The following C5orf58 variants were observed in gnomAD, a reference collection of about 807,000 sequenced individuals.
C5orf58 encodes chromosome 5 open reading frame 58.
C5orf58 carries 2 observed loss-of-function variants against 2.9 expected under a neutral mutation model. The ratio of observed to expected loss-of-function variants is 0.69; its 90% CI spans 0.28 to 2.18. C5orf58 has a LOEUF of 2.18. Among genes scored for constraint, C5orf58 ranks in the 30% most tolerant of loss-of-function variants. C5orf58 has a pLI of 0.13. For synonymous variants in C5orf58, 37 were observed against 33.4 expected, an observed-to-expected ratio of 1.11 and a Z score of -0.37; for missense variants, 96 against 91.7, an observed-to-expected ratio of 1.05 and a Z score of -0.19.
intron 2 of C5orf58, 61 bp downstream of exon 2, chr5:170,234,259 C>T (rs1036892926): frequency 9.8e-7 from 1 of 1,021,560 alleles, no homozygotes; most frequent in East Asian, 4.9e-5. Context: ...ACCTTTCACA[C>T]TGCTGGAGTT....
intron 3 of C5orf58, 106 bp downstream of exon 3, chr5:170,235,176 G>A: frequency 1.6e-6 from 1 of 619,230 alleles, no homozygotes; most frequent in South Asian, 1.9e-5. Context: ...CCACTAATTA[G>A]GATTTCTCTA....
chr5:170,248,523 GGGATAGTT>G, downstream of C5orf58: 1 of 649,718 alleles, frequency 1.5e-6, no homozygotes, highest in Non-Finnish European at 2.7e-6. Flanking sequence ...AATAAATTAT[GGGATAGTT>G]GACAGTCTTC....
chr5:170,249,351 T>TGCATG (rs1055621710), downstream of C5orf58, among the ~76,000 whole-genome samples: 2 of 124,510 alleles, frequency 1.6e-5, no homozygotes, highest in African/African-American at 5.7e-5. Context: ...ATAAAATATG[T>TGCATG]GCATGCGTGT....
intron 2 of C5orf58, chr5:170,251,248 T>G (rs560673953): frequency 4.7e-6 from 1 of 211,114 alleles, no homozygotes; most frequent in South Asian, 7.2e-5. Flanking sequence ...TCAAGATATA[T>G]CTTCCTAGTA....
intron 3 of C5orf58, among the ~76,000 whole-genome samples, chr5:170,242,896 C>T (rs1430710341): frequency 6.9e-6 from 1 of 145,814 alleles, no homozygotes; most frequent in South Asian, 2.3e-4. Flanking sequence ...ATCTTTCCTG[C>T]TTTCTCTTGT....
At chr5:170,235,112 A>G (rs1228036878) in intron 3 of C5orf58, 42 bp downstream of exon 3, 1 of 1,040,642 alleles carries the variant, frequency 9.6e-7, no homozygotes, top group Non-Finnish European at 1.4e-6. Flanking sequence ...TCATTGTTAT[A>G]AAATAAATGA....
chr5:170,248,432 A>T, downstream of C5orf58: 1 of 299,504 alleles, frequency 3.3e-6, no homozygotes, highest in Non-Finnish European at 6.2e-6. Flanking sequence ...ATAATCTTTT[A>T]AAAAATGAAT....
chr5:170,248,672 G>T, downstream of C5orf58: 3 of 1,590,766 alleles, frequency 1.9e-6, no homozygotes, highest in South Asian at 2.2e-5. Flanking sequence ...GCAGGAGGAC[G>T]GTTCATTTGC....
downstream of C5orf58, among the ~76,000 whole-genome samples, chr5:170,250,566 T>C (rs1761412805): frequency 1.3e-5 from 2 of 152,268 alleles, no homozygotes; most frequent in Non-Finnish European, 2.9e-5. Context: ...GTAACCATTG[T>C]AAAGATTTTG....
intron 1 of C5orf58, 107 bp downstream of exon 1, chr5:170,233,114 C>T (rs1395888065): frequency 7.9e-6 from 3 of 379,156 alleles, no homozygotes; most frequent in African/African-American, 4.4e-5. Context: ...CACCACCCAA[C>T]GGGTGGGCGG....
chr5:170,250,711 C>T (rs772469807), downstream of C5orf58: 6 of 1,607,576 alleles, frequency 3.7e-6, no homozygotes, highest in East Asian at 2.2e-5. Flanking sequence ...GGGAAAATGT[C>T]GAAATTTGAA....
chr5:170,248,455 C>A, downstream of C5orf58: 1 of 394,290 alleles, frequency 2.5e-6, no homozygotes. Context: ...TTACAGTGCA[C>A]TACTAGACTT....
At position 170,246,108 on chromosome 5, in the gene C5orf58, A is replaced by C. The variant is rs777378591; in HGVS notation, c.241A>C (p.Ile81Leu). ...ATCCCTTGTTTCTAACAGTTTTTCT[A>C]TCTGATTTCTTATTTGTTATGAGTT... is the stretch of plus-strand genomic sequence containing the variant. The part of the protein sequence containing the change: ...DVSLVSNSFS[I>L] Residue 81 changes from isoleucine (I) to leucine (L), a missense_variant, in exon 4 of 4, where the codon ATC becomes CTC. Ile to Leu is a conservative substitution (Grantham distance 5, BLOSUM62 2). Transcript: ENST00000593851. The C allele has an allele frequency of 4.9e-5, 79 of 1,607,678 alleles. No homozygotes were observed. Among genetic ancestry groups the C allele is most frequent in the Non-Finnish European group, 6.3e-5 (74 of 1,177,124 alleles).
intron 2 of C5orf58, 68 bp downstream of exon 2, chr5:170,234,266 AGTTGT>A: frequency 1.1e-6 from 1 of 937,678 alleles, no homozygotes; most frequent in Non-Finnish European, 1.6e-6. Context: ...ACACTGCTGG[AGTTGT>A]GTATGCTAAT....
At chr5:170,237,597 G>T (rs1760796206) in intron 3 of C5orf58, among the ~76,000 whole-genome samples, 1 of 152,120 alleles carries the variant, frequency 6.6e-6, no homozygotes. Flanking sequence ...CCCTAAGCTG[G>T]CTGGGTAAAG....
At chr5:170,241,813 T>A (rs912897582) in intron 3 of C5orf58, among the ~76,000 whole-genome samples, 22 of 150,632 alleles carry the variant, frequency 1.5e-4, no homozygotes, top group African/African-American at 5.1e-4. Flanking sequence ...TCCAACACTA[T>A]GTTGAATAGG....
At chr5:170,248,305 TA>T (rs1033314507), downstream of C5orf58, 1 of 164,164 alleles carries the variant, frequency 6.1e-6, no homozygotes, top group African/African-American at 2.4e-5. Context: ...GGTTTGGCTG[TA>T]AAAAACAAAT....
At chr5:170,239,100 A>AAT (rs1760867137) in intron 3 of C5orf58, among the ~76,000 whole-genome samples, 1 of 152,196 alleles carries the variant, frequency 6.6e-6, no homozygotes, top group Admixed American at 6.5e-5. Flanking sequence ...TTAACAATAG[A>AAT]ATAGCTAAGG....
rs937180344 is a variant in C5orf58 at position 170,241,854 on chromosome 5, C to T, written c.95-4108C>T. Among the ~76,000 whole-genome samples, 19 of 151,060 alleles carry T rather than the reference C, an allele frequency of 1.3e-4. 1 individual carries two copies. The highest frequency in any genetic ancestry group is 4.6e-4 in the African/African-American group (19 of 41,002). ...TGAGAGAGGGCATCCCTGTCTTGTG[C>T]CAGTTTTCAATGGGAATGCTTCCAG... On this transcript the variant is annotated intron_variant, in intron 3 of 3. Transcript: ENST00000593851.
Sources: allele counts gnomAD v4.1 joint callset (sites outside exome capture counted in the v4.1 genomes callset), GRCh38; gene constraint gnomAD v4.1.1; transcripts MANE v1.5; gene names NCBI Gene and HGNC (gene_info 2026-07-23, HGNC 2026-07-21).